The following MTAP variants were observed in gnomAD, a reference collection of about 807,000 sequenced individuals.
MTAP encodes S-methyl-5'-thioadenosine phosphorylase.
A neutral mutation model predicts 33.6 loss-of-function variants in MTAP; 33 were observed. The ratio of observed to expected loss-of-function variants is 0.98; its 90% CI spans 0.74 to 1.31. MTAP has a LOEUF of 1.31. Ranked by LOEUF, MTAP falls within the 40% of genes most tolerant of loss-of-function variation. MTAP has a pLI of 0.00. For synonymous variants in MTAP, 148 were observed against 125.7 expected (o/e 1.18, Z -1.19); for missense variants, 367 against 360.0 (o/e 1.02, Z -0.16).
chr9:21,838,923 G>A (rs1825176010), intron 5 of MTAP, among the ~76,000 whole-genome samples: 2 of 152,336 alleles, frequency 1.3e-5, no homozygotes, highest in East Asian at 3.9e-4. Context: ...TTCAGATAAT[G>A]TTAACACCTG....
rs982172011 is a variant in MTAP, at chr9:21,877,317, A to G, written c.147+22447A>G. 3.3e-5 allele frequency among the ~76,000 whole-genome samples: 5 copies of G among 152,234 alleles called. No individual in the cohort carries two copies. The South Asian group carries it at 6.2e-4, about 19-fold the overall frequency. On this transcript the variant is annotated intron_variant, in intron 1 of 1. Coordinates refer to the MTAP transcript ENST00000577563. ...GTCATGTGCAAACAGGGATAGTTTGACTTCCTCTCTTCCTATTTAGATGCT... is the reference window on the plus strand; with the variant it reads ...GTCATGTGCAAACAGGGATAGTTTGGCTTCCTCTCTTCCTATTTAGATGCT...
intron 1 of MTAP, among the ~76,000 whole-genome samples, chr9:21,896,293 C>G (rs4977744): frequency 6.6e-6 from 1 of 151,912 alleles, no homozygotes; most frequent in Admixed American, 6.6e-5. Flanking sequence ...CAGGAAAGAT[C>G]TAAAATTGAC....
intron 1 of MTAP, among the ~76,000 whole-genome samples, chr9:21,880,553 A>C (rs1817989306): frequency 1.3e-5 from 2 of 152,144 alleles, no homozygotes; most frequent in Admixed American, 1.3e-4. Flanking sequence ...AAGCTCAGCA[A>C]GGTTGTAAGA....
chr9:21,889,882 G>A (rs1281638239), intron 1 of MTAP, among the ~76,000 whole-genome samples: 1 of 152,186 alleles, frequency 6.6e-6, no homozygotes, highest in Non-Finnish European at 1.5e-5. Context: ...TTGTGCTAGT[G>A]GTTAGTTGAC....
intron 4 of MTAP, among the ~76,000 whole-genome samples, chr9:21,826,579 C>T (rs1433030185): frequency 3.3e-5 from 5 of 150,118 alleles, no homozygotes; most frequent in South Asian, 2.1e-4. Flanking sequence ...ATAATGCGAT[C>T]GATCAGGTGC....
At chr9:21,834,876 T>TTATG (rs1825063921) in intron 4 of MTAP, among the ~76,000 whole-genome samples, 1 of 152,246 alleles carries the variant, frequency 6.6e-6, no homozygotes, top group Non-Finnish European at 1.5e-5. Flanking sequence ...GAGATGTTAT[T>TTATG]GCATCGCAGT....
intron 7 of MTAP, 139 bp downstream of exon 7, chr9:21,859,564 T>G: frequency 3.3e-6 from 3 of 909,662 alleles, no homozygotes; most frequent in Non-Finnish European, 4.7e-6. Context: ...CATCTACTAC[T>G]ACCATACCAA....
chr9:21,875,382 A>G (rs1490375028), intron 1 of MTAP, among the ~76,000 whole-genome samples: 1 of 152,140 alleles, frequency 6.6e-6, no homozygotes, highest in African/African-American at 2.4e-5. Flanking sequence ...TGTTGACTGC[A>G]TAAATGTCTT....
intron 1 of MTAP, among the ~76,000 whole-genome samples, chr9:21,899,806 A>G (rs1020692845): frequency 3.3e-5 from 5 of 152,194 alleles, no homozygotes; most frequent in African/African-American, 1.2e-4. Context: ...GAGCCAAACC[A>G]TATCAGTACT....
chr9:21,903,532 C>A (rs1286013457), intron 1 of MTAP, among the ~76,000 whole-genome samples: 1 of 151,986 alleles, frequency 6.6e-6, no homozygotes, highest in Non-Finnish European at 1.5e-5. Context: ...AACCACTTCT[C>A]TGGGGGTCTT....
rs1825816977 is a variant in MTAP, at chr9:21,864,498, A to G, written c.*2484A>G. The G allele has an allele frequency of 7.1e-6, 7 of 985,324 alleles. No homozygotes were observed. Among genetic ancestry groups the G allele is most frequent in the African/African-American group, 1.7e-5 (1 of 57,236 alleles). 61.0% of individuals were successfully genotyped at this position (985,324 alleles called of 1,614,324 possible). ...CTTAGTGATTAATAGATTTGCATGT[A>G]CATAGAAGTCTTTGTTGGCCTTATA... On this transcript the variant is annotated 3_prime_UTR_variant, in exon 8 of 8. Coordinates refer to ENST00000644715, the MANE Select transcript of MTAP (RefSeq NM_002451.4).
chr9:21,895,542 G>C (rs544990867), intron 1 of MTAP, among the ~76,000 whole-genome samples: 2 of 152,182 alleles, frequency 1.3e-5, no homozygotes, highest in Admixed American at 6.5e-5. Context: ...GCCAGGGGTC[G>C]GGAATTCCCT....
intron 5 of MTAP, among the ~76,000 whole-genome samples, chr9:21,840,363 A>T (rs939669732): frequency 6.6e-6 from 1 of 152,244 alleles, no homozygotes; most frequent in African/African-American, 2.4e-5. Context: ...GAATTCAAAG[A>T]TCCTTTGAAA....
chr9:21,854,563 G>A lies in MTAP; in HGVS notation c.451-68G>A, dbSNP rs188107813. 135 of 1,465,084 alleles carry A rather than the reference G, an allele frequency of 9.2e-5. No homozygotes were observed. In the African/African-American group the frequency reaches 1.6e-3, roughly 17 times the overall value. The allele number at this position is 1,465,084 out of a possible 1,614,324, so 90.8% of individuals were successfully genotyped here. A position where few individuals can be genotyped will look rare whatever the true frequency, so the allele number is the denominator to read the frequency against. On this transcript the variant is annotated intron_variant, in intron 5 of 7. Coordinates refer to ENST00000644715, the MANE Select transcript of MTAP (RefSeq NM_002451.4). ...TAAGAAATCAACTTGGTAAACATTG[G>A]GGGGAAGTGCAGCCTTAAGTTGTGC...
chr9:21,839,108 C>G (rs1825180544), intron 5 of MTAP, among the ~76,000 whole-genome samples: 1 of 151,488 alleles, frequency 6.6e-6, no homozygotes, highest in Non-Finnish European at 1.5e-5. Flanking sequence ...CTGAGGGAAG[C>G]CATTTCGGAG....
chr9:21,930,293 C>A, intron 1 of MTAP: 1 of 230,350 alleles, frequency 4.3e-6, no homozygotes, highest in Non-Finnish European at 8.6e-6. Context: ...TGGGGGCTGT[C>A]CTCATCTCTT....
chr9:21,885,311 G>A (rs958423541), intron 1 of MTAP, among the ~76,000 whole-genome samples: 1 of 152,130 alleles, frequency 6.6e-6, no homozygotes, highest in Non-Finnish European at 1.5e-5. Context: ...TTTGAATCAT[G>A]TATACTCCAA....
rs545438447 is a variant in MTAP, at chr9:21,911,874, G to T, written c.148-19134G>T. On this transcript the variant is annotated intron_variant, in intron 1 of 1. Coordinates refer to the MTAP transcript ENST00000577563. Reference sequence around the variant, plus strand: ...TTTTGAAAAGATCAACAAAATTGATGGACCACTAGCAAGACTGATAAGGAA... The same window carrying T: ...TTTTGAAAAGATCAACAAAATTGATTGACCACTAGCAAGACTGATAAGGAA... Among the ~76,000 whole-genome samples the T allele has an allele frequency of 2.0e-5, 3 of 151,938 alleles. No homozygotes were observed. The South Asian group carries it at 6.3e-4, about 32-fold the overall frequency.
intron 1 of MTAP, among the ~76,000 whole-genome samples, chr9:21,883,775 G>A (rs1818056569): frequency 1.3e-5 from 2 of 151,664 alleles, no homozygotes; most frequent in South Asian, 4.2e-4. Context: ...GTACAGGTAG[G>A]GAAGCAGGCA....
Sources: gnomAD v4.1 joint callset for allele counts (sites outside exome capture counted in the v4.1 genomes callset) on GRCh38, gnomAD v4.1.1 for gene constraint, MANE v1.5 for transcripts, NCBI Gene and HGNC (gene_info 2026-07-23, HGNC 2026-07-21) for gene names.